Variants in ZMYND19 observed in about 807,000 individuals in gnomAD.
ZMYND19 encodes zinc finger MYND domain-containing protein 19.
In ZMYND19, 17 loss-of-function variants were observed where a neutral mutation model predicts 32.0. That is an observed-to-expected ratio of 0.53 (90% CI 0.36 to 0.80). The LOEUF is 0.80. Among genes scored for constraint, ZMYND19 ranks in the 30% least tolerant of loss-of-function variants. The pLI is 0.00. For synonymous variants in ZMYND19, 124 were observed against 113.6 expected (o/e 1.09, Z -0.58); for missense variants, 250 against 293.6 (o/e 0.85, Z 1.09).
At chr9:137,584,893 C>G (rs1011074290) in intron 4 of ZMYND19, among the ~76,000 whole-genome samples, 1 of 152,190 alleles carries the variant, frequency 6.6e-6, no homozygotes, top group Non-Finnish European at 1.5e-5. Flanking sequence ...TGGCTCTCCA[C>G]ATTTCAGTCA....
rs565500048 is a variant in ZMYND19 at position 137,586,421 on chromosome 9, T to C, written c.359+546A>G. Among the ~76,000 whole-genome samples the C allele has an allele frequency of 3.1e-4, 45 of 146,892 alleles. 1 individual carries two copies. In the South Asian group the frequency reaches 6.1e-3, roughly 20 times the overall value. The stretch of plus-strand genomic sequence containing the variant: ...AGGTGAGGAGAGAAGGAAGGAATCC[T>C]GACGTGAGCAGAGAAGGAAGGAATC... On this transcript the variant is annotated intron_variant, in intron 4 of 5. Transcript: ENST00000298585.
At position 137,588,839 on chromosome 9, in the gene ZMYND19, G is replaced by A. The variant is rs372689311; in HGVS notation, c.52-121C>T. ...TCCTGTGAAGTGGAAAGTAACTACA[G>A]GCCTCTTCAGACCAAGACAGCTCAG... On this transcript the variant is annotated intron_variant, in intron 1 of 5. Coordinates refer to ENST00000298585, the MANE Select transcript of ZMYND19 (RefSeq NM_138462.3). The A allele has an allele frequency of 1.2e-5, 13 of 1,124,958 alleles. No homozygotes were observed. In the East Asian group the frequency reaches 2.4e-4, roughly 20 times the overall value. 69.7% of individuals were successfully genotyped at this position (1,124,958 alleles called of 1,614,324 possible). A position where few individuals can be genotyped will look rare whatever the true frequency, so the allele number is the denominator to read the frequency against.
Position 137,583,178 on chromosome 9 carries a change from C to G in ZMYND19, c.360-15G>C. ...AGCTTTGCTCCCTTAAAGAAAGAAG[C>G]AGACACTTGAGTGCACTCTGGCCAA... On this transcript the variant is annotated splice_polypyrimidine_tract_variant and intron_variant, in intron 4 of 5. Coordinates refer to ENST00000298585, the MANE Select transcript of ZMYND19 (RefSeq NM_138462.3). 1.9e-6 allele frequency: 3 copies of G among 1,612,372 alleles called. No homozygotes were observed. Among genetic ancestry groups the G allele is most frequent in the Non-Finnish European group, 1.7e-6 (2 of 1,179,032 alleles).
intron 1 of ZMYND19, chr9:137,589,824 C>T (rs1253251507): frequency 2.0e-6 from 2 of 985,500 alleles, no homozygotes; most frequent in Non-Finnish European, 1.2e-6. Context: ...TGTGTTTAAA[C>T]CGTGTGGCCG....
At chr9:137,588,285 A>C (rs977644226) in intron 2 of ZMYND19, among the ~76,000 whole-genome samples, 1 of 152,232 alleles carries the variant, frequency 6.6e-6, no homozygotes, top group African/African-American at 2.4e-5. Context: ...AGGGACTGCT[A>C]AGGCAGGCCC....
rs1328789480 is a variant in ZMYND19, at chr9:137,582,750, C to T, written c.541-64G>A. Reference sequence around the variant, plus strand: ...GGGACGCAGTGTGGGGCAAAGGCTGCGTCTTACGGACAATCTGACGGACCC... The same window carrying T: ...GGGACGCAGTGTGGGGCAAAGGCTGTGTCTTACGGACAATCTGACGGACCC... On this transcript the variant is annotated intron_variant, in intron 5 of 5. Transcript: ENST00000298585. 3.4e-5 allele frequency: 53 copies of T among 1,579,670 alleles called. 1 individual carries two copies. In the East Asian group the frequency reaches 6.7e-4, roughly 20 times the overall value.
Position 137,586,955 on chromosome 9 carries a change from G to A in ZMYND19, c.359+12C>T. 1.9e-6 allele frequency: 3 copies of A among 1,611,684 alleles called. No individual in the cohort carries two copies. Among genetic ancestry groups the A allele is most frequent in the East Asian group, 2.2e-5 (1 of 44,878 alleles). On this transcript the variant is annotated intron_variant, in intron 4 of 5. Transcript: ENST00000298585. ...GCCTCTGCTGGCATCGCCAGGCCCT[G>A]AGAAGACCCACCTCTGCTTGCTGGA...
rs1842154096 is a variant in ZMYND19 at position 137,582,181 on chromosome 9, C to G, written c.*362G>C. ...CAGGGGAGAAGCTTCGACAACAGGA[C>G]AGTTTTTAGTCACGTGGCCTGACCG... On this transcript the variant is annotated 3_prime_UTR_variant, in exon 6 of 6. Coordinates refer to ENST00000298585, the MANE Select transcript of ZMYND19 (RefSeq NM_138462.3). 1 of 183,124 alleles carries G rather than the reference C, an allele frequency of 5.5e-6. No individual in the cohort carries two copies. Among genetic ancestry groups the G allele is most frequent in the Non-Finnish European group, 1.1e-5 (1 of 88,138 alleles). 11.3% of individuals were successfully genotyped at this position (183,124 alleles called of 1,614,324 possible). A position where few individuals can be genotyped will look rare whatever the true frequency, so the allele number is the denominator to read the frequency against.
chr9:137,587,495 G>A, intron 3 of ZMYND19: 1 of 607,326 alleles, frequency 1.6e-6, no homozygotes, highest in East Asian at 2.7e-5. Context: ...GAGGCTGCCG[G>A]TCCTGGGCAA....
chr9:137,583,043 C>A lies in ZMYND19; in HGVS notation c.480G>T (p.Glu160Asp), dbSNP rs769147100. ...ACTCATAGTAGGTGCAAGAGTTCTC[C>A]TCCTCTTCCACTACATCCCCGTTGG... ...YNANGDVVEE[E>D]ENSCTYYECH... The change falls in exon 5 of 6, where the codon GAG becomes GAT. Residue 160 changes from glutamate (E) to aspartate (D), a missense_variant. Glu to Asp is a conservative substitution (Grantham distance 45, BLOSUM62 2). Coordinates refer to ENST00000298585, the MANE Select transcript of ZMYND19 (RefSeq NM_138462.3). The A allele has an allele frequency of 6.2e-7, 1 of 1,614,230 alleles. No individual in the cohort carries two copies. The highest frequency in any genetic ancestry group is 8.5e-7 in the Non-Finnish European group (1 of 1,180,036).
chr9:137,587,436 CG>C (rs3215867), intron 3 of ZMYND19: 140,475 of 589,904 alleles, frequency 0.24, 19,526 homozygotes, highest in African/African-American at 0.47. Flanking sequence ...CCATGCACAC[CG>C]GGGGGGCTCG....
chr9:137,584,976 CCAA>C (rs1472112364), intron 4 of ZMYND19, among the ~76,000 whole-genome samples: 2 of 152,178 alleles, frequency 1.3e-5, no homozygotes, highest in Non-Finnish European at 2.9e-5. Flanking sequence ...ACCCAAAGTT[CCAA>C]CTAACATAAT....
In ZMYND19 at chr9:137,587,032, C is replaced by T. The variant is rs1842212902; in HGVS notation, c.294G>A (p.Leu98=). The change falls in exon 4 of 6, where the codon CTG becomes CTA. Residue 98 remains leucine (L), a synonymous_variant. Transcript: ENST00000298585. ...CCCACGGCACCAGTTGCAGGTTGTCCAGGCGATTGTCCACGGTCACAGCGT... is the reference window on the plus strand; with the variant it reads ...CCCACGGCACCAGTTGCAGGTTGTCTAGGCGATTGTCCACGGTCACAGCGT... The part of the protein sequence containing the change: ...HLNAVTVDNR[L]DNLQLVPWGW... 1 of 1,612,224 alleles carries T rather than the reference C, an allele frequency of 6.2e-7. No homozygotes were observed. The highest frequency in any genetic ancestry group is 8.5e-7 in the Non-Finnish European group (1 of 1,180,018).
At chr9:137,586,145 G>C (rs547518875) in intron 4 of ZMYND19, among the ~76,000 whole-genome samples, 1 of 152,258 alleles carries the variant, frequency 6.6e-6, no homozygotes, top group East Asian at 1.9e-4. Flanking sequence ...CAGGCAGGTC[G>C]GGGGCCGAGG....
intron 4 of ZMYND19, among the ~76,000 whole-genome samples, chr9:137,585,859 C>T (rs1842198398): frequency 6.6e-6 from 1 of 152,284 alleles, no homozygotes; most frequent in Non-Finnish European, 1.5e-5. Context: ...GCGTTGCTGA[C>T]AACCATCTGC....
rs1200406482 is a variant in ZMYND19, at chr9:137,590,347, G to A, written c.-84C>T. The A allele has an allele frequency of 4.0e-5, 35 of 875,022 alleles. No homozygotes were observed. The highest frequency in any genetic ancestry group is 4.1e-5 in the Non-Finnish European group (30 of 727,644). 54.2% of individuals were successfully genotyped at this position (875,022 alleles called of 1,614,324 possible). A position where few individuals can be genotyped will look rare whatever the true frequency, so the allele number is the denominator to read the frequency against. On this transcript the variant is annotated 5_prime_UTR_variant, in exon 1 of 6. Transcript: ENST00000298585. The surrounding 1 kb of genome is among the most constrained non-coding windows in gnomAD (Gnocchi z 4.2). ...CCGGGGCGAGGCCGCGGCGCGCCGG[G>A]ACAGGACGGGACCGGAGCCGGGGTC...
In ZMYND19 at chr9:137,586,957, GA is replaced by G. The variant is rs766805254; in HGVS notation, c.359+9del. ...CTCTGCTGGCATCGCCAGGCCCTGA[GA>G]AGACCCACCTCTGCTTGCTGGAGGT... On this transcript the variant is annotated intron_variant, in intron 4 of 5. Transcript: ENST00000298585. 1 of 1,611,770 alleles carries G rather than the reference GA, an allele frequency of 6.2e-7. No homozygotes were observed. Among genetic ancestry groups the G allele is most frequent in the East Asian group, 2.2e-5 (1 of 44,882 alleles).
At chr9:137,582,924 C>T in intron 5 of ZMYND19, 59 bp downstream of exon 5, 1 of 1,592,062 alleles carries the variant, frequency 6.3e-7, no homozygotes, top group South Asian at 1.1e-5. Context: ...AGATCCCAAA[C>T]CAAGGCTGGG....
chr9:137,585,414 CA>C (rs143309893), intron 4 of ZMYND19, among the ~76,000 whole-genome samples: 2,113 of 84,620 alleles, frequency 0.025, 36 homozygotes, highest in African/African-American at 0.067. Context: ...GACTCCGTCT[CA>C]AAAAAAAAAA....
Sources: allele counts gnomAD v4.1 joint callset (sites outside exome capture counted in the v4.1 genomes callset), GRCh38; gene constraint gnomAD v4.1.1; non-coding constraint Gnocchi (gnomAD v3.1); transcripts MANE v1.5; gene names NCBI Gene and HGNC (gene_info 2026-07-23, HGNC 2026-07-21).